The following FAM161B variants were observed in gnomAD, a reference collection of about 807,000 sequenced individuals.
FAM161B encodes protein FAM161B.
Under a neutral mutation model 61.5 loss-of-function variants are expected in FAM161B, and 46 were observed. The ratio of observed to expected loss-of-function variants is 0.75; its 90% CI spans 0.59 to 0.96. The LOEUF is 0.96. FAM161B is among the 40% of genes least tolerant of loss of function. The pLI is 0.00. For synonymous variants in FAM161B, 284 were observed against 302.7 expected, an observed-to-expected ratio of 0.94 and a Z score of 0.64; for missense variants, 774 against 800.7, an observed-to-expected ratio of 0.97 and a Z score of 0.40.
chr14:73,926,950 A>G (rs2055842017), downstream of FAM161B, among the ~76,000 whole-genome samples: 1 of 152,224 alleles, frequency 6.6e-6, no homozygotes, highest in East Asian at 1.9e-4. Context: ...GCACATGACA[A>G]TCAGTTGATC....
At chr14:73,937,773 C>A in intron 6 of FAM161B, 72 bp from the exon 7 acceptor site, 2 of 1,567,490 alleles carry the variant, frequency 1.3e-6, no homozygotes, top group South Asian at 1.1e-5. Context: ...TCCAGTAAAG[C>A]AGTGTAACTC....
chr14:73,930,414 C>T (rs1395155609), downstream of FAM161B, among the ~76,000 whole-genome samples: 2 of 152,208 alleles, frequency 1.3e-5, no homozygotes, highest in African/African-American at 4.8e-5. Flanking sequence ...CCTCCTCCCT[C>T]AGCCTCCCAA....
downstream of FAM161B, chr14:73,927,850 A>ATTTTTT (rs769693607): frequency 8.1e-5 from 11 of 135,242 alleles, 1 homozygote; most frequent in East Asian, 4.3e-4. Context: ...TTTTTTTTTA[A>ATTTTTT]TTTTTTAGAC....
chr14:73,944,425 C>G lies in FAM161B; in HGVS notation c.835G>C (p.Ala279Pro), dbSNP rs1276089891. The change falls in exon 3 of 9, where the codon GCC becomes CCC. Residue 279 changes from alanine to proline, a missense_variant. By Grantham distance (27) the Ala-to-Pro change is conservative. Coordinates refer to ENST00000286544, the MANE Select transcript of FAM161B (RefSeq NM_152445.3). ...KEAARQRDLA[A>P]TAEAKISKQK... Reference sequence around the variant, plus strand: ...TTGGAGATCTTGGCTTCAGCTGTGGCTGCCAAGTCTCTCTGTCGAGCAGCT... The same window carrying G: ...TTGGAGATCTTGGCTTCAGCTGTGGGTGCCAAGTCTCTCTGTCGAGCAGCT... The G allele has an allele frequency of 6.2e-7, 1 of 1,613,180 alleles. No individual in the cohort carries two copies. Among genetic ancestry groups the G allele is most frequent in the Admixed American group, 1.7e-5 (1 of 59,996 alleles).
chr14:73,946,358 T>C lies in FAM161B; in HGVS notation c.302A>G (p.Glu101Gly). 1 of 1,614,182 alleles carries C rather than the reference T, an allele frequency of 6.2e-7. No homozygotes were observed. The highest frequency in any genetic ancestry group is 8.5e-7 in the Non-Finnish European group (1 of 1,180,026). The change falls in exon 2 of 9, where the codon GAG (glutamate) becomes GGG (glycine). Residue 101 changes from glutamate (E) to glycine (G), a missense_variant. Glu to Gly is a moderately conservative substitution (Grantham distance 98). Coordinates refer to ENST00000286544, the MANE Select transcript of FAM161B (RefSeq NM_152445.3). ...PESDENLSED[E>G]EDLESFFQDK... Reference sequence around the variant, plus strand: ...TTGGAAGAAACTCTCCAGGTCCTCCTCATCTTCAGAGAGGTTTTCATCACT... The same window carrying C: ...TTGGAAGAAACTCTCCAGGTCCTCCCCATCTTCAGAGAGGTTTTCATCACT...
Position 73,944,859 on chromosome 14 carries a change from G to C in FAM161B, c.401C>G (p.Ser134Cys), listed in dbSNP as rs747735375. 6.6e-7 allele frequency: 1 copy of C among 1,524,486 alleles called. No homozygotes were observed. Among genetic ancestry groups the C allele is most frequent in the Non-Finnish European group, 8.8e-7 (1 of 1,137,184 alleles). 94.4% of individuals were successfully genotyped at this position (1,524,486 alleles called of 1,614,324 possible). The change falls in exon 3 of 9, where the codon TCC becomes TGC. Residue 134 changes from serine (S) to cysteine (C), a missense_variant. Transcript: ENST00000286544. ...AATGTTGGAGGGAAGGTTGTTCAGGGAGCTGCAGCGCCTTGTGGAGCCACA... is the reference window on the plus strand; with the variant it reads ...AATGTTGGAGGGAAGGTTGTTCAGGCAGCTGCAGCGCCTTGTGGAGCCACA... Reference protein sequence around the residue: ...LRCGSTRRCSSLNNLPSNIPR... With the variant: ...LRCGSTRRCSCLNNLPSNIPR...
chr14:73,939,298 C>G (rs1048073751), intron 5 of FAM161B, among the ~76,000 whole-genome samples: 1 of 151,528 alleles, frequency 6.6e-6, no homozygotes, highest in Non-Finnish European at 1.5e-5. Flanking sequence ...GACTCTGTCT[C>G]GAAAAAAAAT....
At chr14:73,931,811 C>T, downstream of FAM161B, 1 of 478,714 alleles carries the variant, frequency 2.1e-6, no homozygotes, top group Non-Finnish European at 3.9e-6. Context: ...CTGGGATAGA[C>T]CAAAAGTGAA....
At chr14:73,942,256 G>A (rs1466233881) in intron 4 of FAM161B, 113 bp downstream of exon 4, 8 of 1,109,032 alleles carry the variant, frequency 7.2e-6, no homozygotes, top group Non-Finnish European at 8.9e-6. Flanking sequence ...CTGAGCTGGT[G>A]TTTAAAAAAA....
At chr14:73,943,144 G>T (rs1279507794) in intron 3 of FAM161B, among the ~76,000 whole-genome samples, 5 of 152,068 alleles carry the variant, frequency 3.3e-5, no homozygotes, top group Non-Finnish European at 7.4e-5. Flanking sequence ...CCACCCAGCT[G>T]CCCAGGCCCT....
At chr14:73,941,102 TTCTA>T (rs2056014355) in intron 4 of FAM161B, 49 bp from the exon 5 acceptor site, 2 of 1,513,180 alleles carry the variant, frequency 1.3e-6, no homozygotes, top group South Asian at 2.5e-5. Flanking sequence ...TGTGATTAGT[TTCTA>T]TCTTTTTTTT....
chr14:73,946,720 G>A (rs1314242818), intron 1 of FAM161B, 115 bp from the exon 2 acceptor site: 14 of 1,055,306 alleles, frequency 1.3e-5, no homozygotes, highest in East Asian at 2.6e-5. Flanking sequence ...GGAGAATTTG[G>A]GGTCTGCCAG....
In FAM161B at chr14:73,949,978, G is replaced by A. The variant is rs1484752552; in HGVS notation, c.49C>T (p.Arg17Cys). 6 of 1,613,370 alleles carry A rather than the reference G, an allele frequency of 3.7e-6. No individual in the cohort carries two copies. The African/African-American group carries it at 5.3e-5, about 14-fold the overall frequency. Residue 17 changes from arginine to cysteine, a missense_variant, in exon 1 of 9, where the codon CGT becomes TGT. Arg to Cys is a radical substitution (Grantham distance 180). Coordinates refer to ENST00000286544, the MANE Select transcript of FAM161B (RefSeq NM_152445.3). ...AGTCTCTTTTCTCTCCTCACCTGAC[G>A]GCTCCCCTCCGCGCCTCCGGGGGCT... is the stretch of plus-strand genomic sequence containing the variant. Reference protein sequence around the residue: ...EGAPGGAEGSRQIFPPESFAD... With the variant: ...EGAPGGAEGSCQIFPPESFAD...
In FAM161B at chr14:73,932,348, A is replaced by G. The variant is rs943922837; in HGVS notation, c.*1908T>C. The G allele has an allele frequency of 2.4e-5, 9 of 380,316 alleles. No homozygotes were observed. Among genetic ancestry groups the G allele is most frequent in the African/African-American group, 1.3e-4 (6 of 46,738 alleles). The allele number at this position is 380,316 out of a possible 1,614,324, so 23.6% of individuals were successfully genotyped here. A position where few individuals can be genotyped will look rare whatever the true frequency, so the allele number is the denominator to read the frequency against. ...TAAGAATTTAATCTTTCCCTTTAAAATAGTGTATTGATTTACCCTTAGGAT... is the reference window on the plus strand; with the variant it reads ...TAAGAATTTAATCTTTCCCTTTAAAGTAGTGTATTGATTTACCCTTAGGAT... On this transcript the variant is annotated 3_prime_UTR_variant, in exon 9 of 9. Coordinates refer to ENST00000286544, the MANE Select transcript of FAM161B (RefSeq NM_152445.3).
At chr14:73,923,964 C>A in the FAM161B span, among the ~76,000 whole-genome samples, 1 of 152,288 alleles carries the variant, frequency 6.6e-6, no homozygotes, top group South Asian at 2.1e-4. Flanking sequence ...CCTTTCTTTT[C>A]TCCAGAAATA....
At chr14:73,935,453 A>G (rs1383137513) in intron 8 of FAM161B, among the ~76,000 whole-genome samples, 3 of 151,586 alleles carry the variant, frequency 2.0e-5, no homozygotes, top group Non-Finnish European at 2.9e-5. Context: ...GCGTGAACCC[A>G]GGAGGCGGAG....
In FAM161B at chr14:73,933,844, CAG is replaced by C. The variant is rs2055947171; in HGVS notation, c.*410_*411del. 1 of 153,968 alleles carries C rather than the reference CAG, an allele frequency of 6.5e-6. No individual in the cohort carries two copies. Among genetic ancestry groups the C allele is most frequent in the African/African-American group, 2.4e-5 (1 of 40,980 alleles). 9.5% of individuals were successfully genotyped at this position (153,968 alleles called of 1,614,324 possible). On this transcript the variant is annotated 3_prime_UTR_variant, in exon 9 of 9. Coordinates refer to ENST00000286544, the MANE Select transcript of FAM161B (RefSeq NM_152445.3). The stretch of plus-strand genomic sequence containing the variant: ...TCTGCTGCTCTTTTTTTTTCTCAGA[CAG>C]AGTTTTGCTCTGCTGCCCAGGCTGG...
At chr14:73,935,051 G>T (rs1398117743) in intron 8 of FAM161B, among the ~76,000 whole-genome samples, 1 of 130,536 alleles carries the variant, frequency 7.7e-6, no homozygotes, top group African/African-American at 2.6e-5. Flanking sequence ...GACGGAGCAA[G>T]ACTCCGTCTC....
At chr14:73,924,089 C>A in the FAM161B span, among the ~76,000 whole-genome samples, 1 of 152,146 alleles carries the variant, frequency 6.6e-6, no homozygotes, top group East Asian at 1.9e-4. Context: ...ACCAAATGGG[C>A]ATATACAGAT....
Sources: gnomAD v4.1 joint callset for allele counts (sites outside exome capture counted in the v4.1 genomes callset) on GRCh38, gnomAD v4.1.1 for gene constraint, MANE v1.5 for transcripts, NCBI Gene and HGNC (gene_info 2026-07-23, HGNC 2026-07-21) for gene names.